The following GALNTL6 variants were observed in gnomAD, a reference collection of about 807,000 sequenced individuals.
GALNTL6 encodes the protein polypeptide N-acetylgalactosaminyltransferase like 6.
GALNTL6 carries 46 observed loss-of-function variants against 73.7 expected under a neutral mutation model. The observed-to-expected ratio is 0.62, with a 90% CI of 0.49 to 0.80. The LOEUF is 0.80. Among genes scored for constraint, GALNTL6 ranks in the 30% least tolerant of loss-of-function variants. The pLI, the probability that GALNTL6 is intolerant of heterozygous loss-of-function variation, is 0.00. For synonymous variants in GALNTL6, 259 were observed against 263.7 expected (o/e 0.98, Z 0.17); for missense variants, 604 against 755.0 (o/e 0.80, Z 2.34).
chr4:172,775,207 T>C (rs953506966), intron 5 of GALNTL6, among the ~76,000 whole-genome samples: 1 of 152,180 alleles, frequency 6.6e-6, no homozygotes, highest in African/African-American at 2.4e-5. Context: ...TTTGTATGTC[T>C]CTTAGAGACA....
chr4:172,810,151 T>G (rs557540047), intron 6 of GALNTL6, among the ~76,000 whole-genome samples: 1 of 152,302 alleles, frequency 6.6e-6, no homozygotes, highest in Non-Finnish European at 1.5e-5. Flanking sequence ...TCTAACACAG[T>G]GCAGCTGTCC....
At chr4:172,096,826 C>T (rs1732370464) in intron 2 of GALNTL6, among the ~76,000 whole-genome samples, 1 of 152,068 alleles carries the variant, frequency 6.6e-6, no homozygotes, top group Non-Finnish European at 1.5e-5. Flanking sequence ...GCTTCATATC[C>T]TAATTATCTT....
At chr4:173,005,113 T>TA (rs11419926) in intron 10 of GALNTL6, among the ~76,000 whole-genome samples, 148,339 of 152,192 alleles carry the variant, frequency 0.97, 72,427 homozygotes, top group Middle Eastern at 1. Context: ...GGGCCGGTAT[T>TA]AAGCTAAGCC....
rs1561128694 is a variant in GALNTL6, at chr4:172,539,903, AT to A, written c.553+191215del. ...TATATATATATATATATATATATAT[AT>A]ATAAAAAATCTCATTTAATTTTCAT... On this transcript the variant is annotated intron_variant, in intron 5 of 12. Coordinates refer to ENST00000506823, the MANE Select transcript of GALNTL6 (RefSeq NM_001034845.3). Among the ~76,000 whole-genome samples the A allele has an allele frequency of 7.3e-4, 99 of 135,386 alleles. 1 individual carries two copies. In the South Asian group the frequency reaches 8.9e-3, roughly 12 times the overall value. The allele number at this position is 135,386 out of a possible 152,430, so 88.8% of individuals were successfully genotyped here. A position where few individuals can be genotyped will look rare whatever the true frequency, so the allele number is the denominator to read the frequency against.
intron 2 of GALNTL6, among the ~76,000 whole-genome samples, chr4:172,071,321 T>C (rs1731526806): frequency 9.1e-6 from 1 of 110,152 alleles, no homozygotes; most frequent in African/African-American, 3.4e-5. Flanking sequence ...CAACATTGGA[T>C]ACCAGCATTT....
intron 2 of GALNTL6, among the ~76,000 whole-genome samples, chr4:171,965,546 C>G (rs920811896): frequency 2.0e-5 from 3 of 150,758 alleles, no homozygotes; most frequent in African/African-American, 7.3e-5. Flanking sequence ...ATCCCAGCTA[C>G]TTGGTAGGCT....
At chr4:171,831,978 G>A (rs930353218) in intron 2 of GALNTL6, among the ~76,000 whole-genome samples, 2 of 151,234 alleles carry the variant, frequency 1.3e-5, no homozygotes, top group African/African-American at 2.4e-5. Context: ...GTTCCTGTAA[G>A]TATATCCAGT....
At chr4:172,760,998 CAG>C (rs1738052122) in intron 5 of GALNTL6, among the ~76,000 whole-genome samples, 1 of 152,086 alleles carries the variant, frequency 6.6e-6, no homozygotes, top group South Asian at 2.1e-4. Context: ...AGAATAGAAA[CAG>C]GGAGTCAATT....
intron 5 of GALNTL6, among the ~76,000 whole-genome samples, chr4:172,378,083 C>T (rs895215256): frequency 5.3e-5 from 8 of 152,184 alleles, no homozygotes; most frequent in Non-Finnish European, 7.3e-5. Context: ...GCTGCCAGCA[C>T]GTTGTCACCT....
intron 2 of GALNTL6, among the ~76,000 whole-genome samples, chr4:171,901,666 T>A (rs941387668): frequency 3.3e-5 from 5 of 152,154 alleles, no homozygotes; most frequent in Non-Finnish European, 7.4e-5. Context: ...GCTGCAGATG[T>A]GAAGAGTGAT....
intron 2 of GALNTL6, among the ~76,000 whole-genome samples, chr4:172,199,064 A>G (rs1579244695): frequency 6.6e-6 from 1 of 152,020 alleles, no homozygotes; most frequent in Admixed American, 6.6e-5. Context: ...GCATGTTACC[A>G]CCTGTGACCC....
At chr4:172,770,606 C>T (rs1317233163) in intron 5 of GALNTL6, among the ~76,000 whole-genome samples, 2 of 152,110 alleles carry the variant, frequency 1.3e-5, no homozygotes, top group Non-Finnish European at 2.9e-5. Context: ...TTTCATTTTT[C>T]CAATTGCAAA....
At chr4:172,383,330 T>C (rs1481528667) in intron 5 of GALNTL6, among the ~76,000 whole-genome samples, 5 of 152,138 alleles carry the variant, frequency 3.3e-5, no homozygotes, top group Non-Finnish European at 7.4e-5. Context: ...TATTGAACTT[T>C]TGTTACACTT....
At chr4:172,724,236 C>T (rs1006985446) in intron 5 of GALNTL6, among the ~76,000 whole-genome samples, 1 of 152,184 alleles carries the variant, frequency 6.6e-6, no homozygotes, top group African/African-American at 2.4e-5. Flanking sequence ...TTCTTCTCAA[C>T]TTCTCCCACC....
rs70941387 is a variant in GALNTL6, at chr4:172,167,965, CAA to C, written c.139-61672_139-61671del. ...TGGGCAACAGAGCGAGACTCCGTCT[CAA>C]AAAAAAAAAAAAAAAAAAGAAACAT... is the stretch of plus-strand genomic sequence containing the variant. On this transcript the variant is annotated intron_variant, in intron 2 of 12. Transcript: ENST00000506823. Among the ~76,000 whole-genome samples, 1,042 of 113,906 alleles carry C rather than the reference CAA, an allele frequency of 9.1e-3. 15 individuals carry two copies. The highest frequency in any genetic ancestry group is 0.031 in the African/African-American group (943 of 30,330). 74.7% of individuals were successfully genotyped at this position (113,906 alleles called of 152,430 possible).
At chr4:173,012,792 C>T (rs528907914) in intron 11 of GALNTL6, among the ~76,000 whole-genome samples, 1 of 152,298 alleles carries the variant, frequency 6.6e-6, no homozygotes, top group South Asian at 2.1e-4. Flanking sequence ...ACTTTGGCTT[C>T]ATTTATCTGT....
intron 10 of GALNTL6, among the ~76,000 whole-genome samples, chr4:173,000,624 T>C (rs1314108172): frequency 2.0e-5 from 3 of 152,154 alleles, no homozygotes; most frequent in African/African-American, 7.2e-5. Flanking sequence ...AAAACAAAGT[T>C]GGAGAACCCA....
At chr4:172,997,549 T>C (rs549105932) in intron 10 of GALNTL6, among the ~76,000 whole-genome samples, 1 of 151,296 alleles carries the variant, frequency 6.6e-6, no homozygotes, top group South Asian at 2.1e-4. Flanking sequence ...TATGAATTTC[T>C]CTCTGTGTCT....
chr4:172,764,156 C>T (rs1738270365), intron 5 of GALNTL6, among the ~76,000 whole-genome samples: 1 of 152,078 alleles, frequency 6.6e-6, no homozygotes, highest in Non-Finnish European at 1.5e-5. Context: ...TGGGGTTTCT[C>T]GATGTTGGTG....
Sources: allele counts gnomAD v4.1 joint callset (sites outside exome capture counted in the v4.1 genomes callset), GRCh38; gene constraint gnomAD v4.1.1; transcripts MANE v1.5; gene names NCBI Gene and HGNC (gene_info 2026-07-23, HGNC 2026-07-21).